The following PCDH15 variants were observed in gnomAD, a reference collection of about 807,000 sequenced individuals.
PCDH15 encodes protocadherin related 15.
In PCDH15, 129 loss-of-function variants were observed where a neutral mutation model predicts 178.5. The ratio of observed to expected loss-of-function variants is 0.72; its 90% confidence interval spans 0.63 to 0.84. PCDH15 has a LOEUF of 0.84. Among genes scored for constraint, PCDH15 ranks in the 40% least tolerant of loss-of-function variants. PCDH15 has a pLI of 0.00. For missense variants in PCDH15, 2,230 were observed against 2,099.9 expected (o/e 1.06, Z -1.21); for synonymous variants, 800 against 732.0 (o/e 1.09, Z -1.50).
chr10:54,153,008 A>G, intron 14 of PCDH15, 92 bp downstream of exon 14: 1 of 1,360,304 alleles, frequency 7.4e-7, no homozygotes, highest in Non-Finnish European at 1.0e-6. Flanking sequence ...AGATGTTTAT[A>G]GGATAAAAGA....
In PCDH15 at chr10:55,568,755, T is replaced by A. The variant is rs74785216; in HGVS notation, c.-156+58870A>T. Among the ~76,000 whole-genome samples the A allele has an allele frequency of 4.6e-3, 702 of 152,080 alleles. 6 individuals are homozygous for A. The highest frequency in any genetic ancestry group is 0.016 in the African/African-American group (669 of 41,508). ...CACACTCAGAAGTTGGAACAGAAAA[T>A]GTAATTTTTTGAGTCATCTGCACAG... is the stretch of plus-strand genomic sequence containing the variant. On this transcript the variant is annotated intron_variant, in intron 2 of 5. Transcript: ENST00000613346.
intron 2 of PCDH15, among the ~76,000 whole-genome samples, chr10:55,596,697 A>G (rs1372329088): frequency 6.6e-6 from 1 of 152,194 alleles, no homozygotes; most frequent in Non-Finnish European, 1.5e-5. Flanking sequence ...CCATATTTAA[A>G]AATTATAATT....
At chr10:54,676,128 C>T (rs537783266) in intron 1 of PCDH15, among the ~76,000 whole-genome samples, 1 of 151,814 alleles carries the variant, frequency 6.6e-6, no homozygotes, top group Non-Finnish European at 1.5e-5. Context: ...GATGTTTGTA[C>T]ATAAATATAT....
rs11815429 is a variant in PCDH15 at position 55,029,609 on chromosome 10, A to C, written c.-79-132109T>G. Among the ~76,000 whole-genome samples the C allele has an allele frequency of 2.4e-3, 363 of 152,270 alleles. 1 individual carries two copies. The highest frequency in any genetic ancestry group is 8.0e-3 in the African/African-American group (331 of 41,566). On this transcript the variant is annotated intron_variant, in intron 2 of 5. Coordinates refer to the PCDH15 transcript ENST00000458638. ...TCAAACTAAACAAAAAAATCGAAAC[A>C]AAATAACCCTAATGGCCTAGAAAGC...
chr10:54,728,237 T>C (rs1321540749), intron 1 of PCDH15, among the ~76,000 whole-genome samples: 4 of 151,608 alleles, frequency 2.6e-5, no homozygotes, highest in Non-Finnish European at 3.0e-5. Flanking sequence ...TCAACCAAAA[T>C]TATGAAGGCT....
At chr10:54,316,542 A>G (rs923251498) in intron 8 of PCDH15, among the ~76,000 whole-genome samples, 3 of 51,208 alleles carry the variant, frequency 5.9e-5, no homozygotes, top group South Asian at 9.4e-4. Flanking sequence ...ACACACACAC[A>G]CACACACACA....
At chr10:53,982,391 T>C (rs2090727146) in intron 21 of PCDH15, among the ~76,000 whole-genome samples, 1 of 152,010 alleles carries the variant, frequency 6.6e-6, no homozygotes, top group African/African-American at 2.4e-5. Flanking sequence ...TGCGGCACTA[T>C]TCACAATAGC....
At chr10:54,371,177 T>C (rs1947608059) in intron 4 of PCDH15, among the ~76,000 whole-genome samples, 1 of 151,820 alleles carries the variant, frequency 6.6e-6, no homozygotes, top group Non-Finnish European at 1.5e-5. Flanking sequence ...TGGTAAATTT[T>C]TGCAATAATA....
chr10:55,112,346 A>G (rs1234778036), intron 2 of PCDH15, among the ~76,000 whole-genome samples: 3 of 152,180 alleles, frequency 2.0e-5, no homozygotes, highest in Non-Finnish European at 2.9e-5. Flanking sequence ...CGATGAGAAG[A>G]TAAAGGCAGT....
At chr10:54,545,667 C>CTATA (rs890686304) in intron 2 of PCDH15, among the ~76,000 whole-genome samples, 2 of 152,040 alleles carry the variant, frequency 1.3e-5, no homozygotes, top group Admixed American at 6.6e-5. Flanking sequence ...ACTTTGGGAT[C>CTATA]TATAGCAATA....
At chr10:54,465,970 G>C (rs1219460902) in intron 3 of PCDH15, among the ~76,000 whole-genome samples, 1 of 151,778 alleles carries the variant, frequency 6.6e-6, no homozygotes, top group Admixed American at 6.6e-5. Flanking sequence ...TCATGATTTT[G>C]ATTTACACTT....
chr10:54,600,313 G>T (rs1277994294), intron 2 of PCDH15: 17 of 541,068 alleles, frequency 3.1e-5, no homozygotes, highest in Non-Finnish European at 5.8e-5. Context: ...AGATTCCAAG[G>T]AATCCAGGAA....
intron 1 of PCDH15, among the ~76,000 whole-genome samples, chr10:54,796,045 T>A (rs1201281892): frequency 6.6e-6 from 1 of 151,688 alleles, no homozygotes; most frequent in African/African-American, 2.4e-5. Context: ...GGTAAGGGAG[T>A]GGAATAGAAT....
intron 2 of PCDH15, among the ~76,000 whole-genome samples, chr10:54,627,537 C>A (rs1202979621): frequency 2.0e-5 from 3 of 152,178 alleles, no homozygotes; most frequent in Non-Finnish European, 2.9e-5. Flanking sequence ...CCTTCCACCA[C>A]AATTATGAGA....
At chr10:55,293,036 C>T (rs1843047176) in intron 1 of PCDH15, among the ~76,000 whole-genome samples, 1 of 152,208 alleles carries the variant, frequency 6.6e-6, no homozygotes, top group Non-Finnish European at 1.5e-5. Flanking sequence ...GGCCGGGCCC[C>T]TGCAGCAAAC....
chr10:54,384,974 A>T (rs969543578), intron 3 of PCDH15, among the ~76,000 whole-genome samples: 6 of 152,174 alleles, frequency 3.9e-5, no homozygotes, highest in African/African-American at 1.2e-4. Context: ...TGTGGAATTA[A>T]CTGGTAGTAG....
chr10:54,728,684 A>G lies in PCDH15; in HGVS notation c.-28-64394T>C, dbSNP rs148071979. Among the ~76,000 whole-genome samples, 1,176 of 151,620 alleles carry G rather than the reference A, an allele frequency of 7.8e-3. 5 individuals carry two copies. Among genetic ancestry groups the G allele is most frequent in the Middle Eastern group, 0.02 (6 of 294 alleles). On this transcript the variant is annotated intron_variant, in intron 1 of 37. Coordinates refer to ENST00000644397, the MANE Select transcript of PCDH15 (RefSeq NM_001384140.1). ...TGGGATTCTATGCCTAGAAAACCCC[A>G]TAGTCCCTGCCCAAACACTCCTAGA...
intron 25 of PCDH15, among the ~76,000 whole-genome samples, chr10:53,936,906 G>T (rs966369601): frequency 1.3e-5 from 2 of 152,026 alleles, no homozygotes; most frequent in African/African-American, 4.8e-5. Context: ...CTAATGGGCT[G>T]GGGATTGACT....
At chr10:55,599,814 C>T (rs1198507847) in intron 2 of PCDH15, 15 of 713,234 alleles carry the variant, frequency 2.1e-5, no homozygotes, top group Non-Finnish European at 2.6e-5. Flanking sequence ...GCACTGCCTG[C>T]TCAGTGACAT....
Sources: gnomAD v4.1 joint callset for allele counts (sites outside exome capture counted in the v4.1 genomes callset) on GRCh38, gnomAD v4.1.1 for gene constraint, MANE v1.5 for transcripts, NCBI Gene and HGNC (gene_info 2026-07-23, HGNC 2026-07-21) for gene names.